Variants in PCCA observed in about 807,000 individuals in gnomAD.
PCCA encodes the protein propionyl-CoA carboxylase alpha chain, mitochondrial.
PCCA carries 74 observed loss-of-function variants against 101.3 expected under a neutral mutation model. The ratio of observed to expected loss-of-function variants is 0.73; its 90% CI spans 0.61 to 0.89. The LOEUF (loss-of-function observed/expected upper bound fraction) is 0.89. PCCA is among the 40% of genes least tolerant of loss of function. The probability of loss-of-function intolerance (pLI) is 0.00; values close to 1 mark genes in which losing one functional copy is unlikely to be tolerated. For missense variants in PCCA, 891 were observed against 907.0 expected (o/e 0.98, Z 0.23); for synonymous variants, 294 against 313.6 (o/e 0.94, Z 0.66).
intron 21 of PCCA, chr13:100,491,282 T>G (rs1347793907): frequency 1.8e-5 from 3 of 169,718 alleles, no homozygotes; most frequent in Admixed American, 6.2e-5. Context: ...TGAAAAGTGG[T>G]GTTTTCAATG....
At chr13:100,091,451 C>T (rs761058405) in intron 1 of PCCA, among the ~76,000 whole-genome samples, 29 of 152,136 alleles carry the variant, frequency 1.9e-4, no homozygotes, top group Admixed American at 1.1e-3. Flanking sequence ...TATGTTTGTG[C>T]CGGTAAAGAA....
chr13:100,445,772 C>G (rs750323802), intron 20 of PCCA, among the ~76,000 whole-genome samples: 33 of 98,856 alleles, frequency 3.3e-4, no homozygotes, highest in Non-Finnish European at 5.4e-4. Flanking sequence ...AAATAATATT[C>G]CATTTTGCAT....
rs537516675 is a variant in PCCA, at chr13:100,258,072, C to T, written c.716+399C>T. On this transcript the variant is annotated intron_variant, in intron 9 of 23. Coordinates refer to ENST00000376285, the MANE Select transcript of PCCA (RefSeq NM_000282.4). ...ATTTCATTGAGACTTAATGTATTAC[C>T]TCAATATGTAGTTGCTTTCCTTTGC... is the stretch of plus-strand genomic sequence containing the variant. Among the ~76,000 whole-genome samples, 101 of 152,150 alleles carry T rather than the reference C, an allele frequency of 6.6e-4. 2 individuals are homozygous for T. The South Asian group carries it at 7.9e-3, about 12-fold the overall frequency.
intron 18 of PCCA, among the ~76,000 whole-genome samples, chr13:100,364,694 T>C (rs2074991849): frequency 1.3e-5 from 2 of 152,200 alleles, no homozygotes; most frequent in Admixed American, 6.5e-5. Flanking sequence ...TGTTTTGGTA[T>C]TTAGAGGTCT....
chr13:100,362,608 T>C (rs1047522977), intron 18 of PCCA, among the ~76,000 whole-genome samples: 18 of 152,138 alleles, frequency 1.2e-4, no homozygotes, highest in Admixed American at 9.2e-4. Flanking sequence ...CTTTCCTGGC[T>C]AATCATGCCC....
chr13:100,476,236 A>C (rs907718705), intron 21 of PCCA, among the ~76,000 whole-genome samples: 1 of 152,228 alleles, frequency 6.6e-6, no homozygotes, highest in African/African-American at 2.4e-5. Context: ...TTTGAGATTT[A>C]AACCAACTAC....
intron 16 of PCCA, among the ~76,000 whole-genome samples, chr13:100,315,320 A>T (rs1387520610): frequency 6.6e-6 from 1 of 152,106 alleles, no homozygotes; most frequent in Non-Finnish European, 1.5e-5. Context: ...AGTTAAAAAA[A>T]TAGGGAAGAG....
intron 16 of PCCA, among the ~76,000 whole-genome samples, chr13:100,313,483 G>A (rs941372361): frequency 7.2e-5 from 11 of 152,286 alleles, no homozygotes; most frequent in African/African-American, 2.4e-4. Context: ...TGGTTGGTTT[G>A]GGGATGAAAT....
intron 22 of PCCA, among the ~76,000 whole-genome samples, chr13:100,516,691 A>G (rs2086846325): frequency 6.6e-6 from 1 of 152,014 alleles, no homozygotes; most frequent in Non-Finnish European, 1.5e-5. Context: ...AAGACTGTCT[A>G]ATGCCCACGT....
intron 6 of PCCA, among the ~76,000 whole-genome samples, chr13:100,197,960 C>T (rs1179653274): frequency 3.3e-5 from 5 of 152,120 alleles, no homozygotes; most frequent in Non-Finnish European, 7.4e-5. Flanking sequence ...CCAGAAATGG[C>T]CTTGTTGGAA....
chr13:100,383,834 A>G (rs1344385158), intron 19 of PCCA, among the ~76,000 whole-genome samples: 1 of 152,160 alleles, frequency 6.6e-6, no homozygotes. Context: ...TGAACTAAGA[A>G]TAGAAAATAA....
chr13:100,449,800 A>G (rs1456679414), intron 21 of PCCA, among the ~76,000 whole-genome samples: 1 of 152,154 alleles, frequency 6.6e-6, no homozygotes, highest in East Asian at 1.9e-4. Context: ...ATTATTTTCA[A>G]ATGTGGATAA....
chr13:100,148,258 G>T (rs2152363497), intron 4 of PCCA, among the ~76,000 whole-genome samples: 1 of 152,158 alleles, frequency 6.6e-6, no homozygotes, highest in African/African-American at 2.4e-5. Context: ...TATCTCAGGT[G>T]TTTTTACCTA....
chr13:100,303,148 T>A, intron 14 of PCCA, 150 bp downstream of exon 14: 1 of 699,500 alleles, frequency 1.4e-6, no homozygotes, highest in Non-Finnish European at 2.6e-6. Context: ...AAACAAATTT[T>A]TTTCAGTATT....
At position 100,157,391 on chromosome 13, in the gene PCCA, G is replaced by A. The variant is rs35055557; in HGVS notation, c.468+51G>A. 202,384 of 1,229,990 alleles carry A rather than the reference G, an allele frequency of 0.16. 17,694 individuals carry two copies. Among genetic ancestry groups the A allele is most frequent in the Middle Eastern group, 0.2 (1,067 of 5,350 alleles). 76.2% of individuals were successfully genotyped at this position (1,229,990 alleles called of 1,614,324 possible). A position where few individuals can be genotyped will look rare whatever the true frequency, so the allele number is the denominator to read the frequency against. ...GTTCATTTCTTTTTCAGAAAGCAGT[G>A]TGGTAGCATGGCTTTGTAAATGTGG... On this transcript the variant is annotated intron_variant, in intron 6 of 23. Transcript: ENST00000376285.
At chr13:100,172,970 C>T (rs1227558130) in intron 6 of PCCA, among the ~76,000 whole-genome samples, 2 of 152,172 alleles carry the variant, frequency 1.3e-5, no homozygotes, top group African/African-American at 2.4e-5. Context: ...CTTGTTGTGG[C>T]ACAACACAAA....
At chr13:100,481,678 G>C (rs942477222) in intron 21 of PCCA, among the ~76,000 whole-genome samples, 4 of 152,290 alleles carry the variant, frequency 2.6e-5, no homozygotes, top group Admixed American at 2.6e-4. Context: ...TGGACCCCGA[G>C]AGAGAGGGTT....
At chr13:100,367,099 A>T (rs16957340) in intron 18 of PCCA, among the ~76,000 whole-genome samples, 4,016 of 152,292 alleles carry the variant, frequency 0.026, 192 homozygotes, top group African/African-American at 0.092. Context: ...GATGTTTAGT[A>T]CTTGGTAAAT....
intron 21 of PCCA, among the ~76,000 whole-genome samples, chr13:100,452,142 C>T (rs556636114): frequency 5.0e-5 from 7 of 139,622 alleles, no homozygotes; most frequent in African/African-American, 1.9e-4. Context: ...TCTCTCTCCT[C>T]TTCTTCCTCT....
Sources: allele counts gnomAD v4.1 joint callset (sites outside exome capture counted in the v4.1 genomes callset), GRCh38; gene constraint gnomAD v4.1.1; transcripts MANE v1.5; gene names NCBI Gene and HGNC (gene_info 2026-07-23, HGNC 2026-07-21).